Variants in UBASH3A observed in about 807,000 individuals in gnomAD.
UBASH3A encodes the protein ubiquitin-associated and SH3 domain-containing protein A.
A neutral mutation model predicts 73.5 loss-of-function variants in UBASH3A; 63 were observed. That is an observed-to-expected ratio of 0.86 (90% CI 0.70 to 1.06). UBASH3A has a LOEUF of 1.06. Ranked by LOEUF, UBASH3A falls within the 50% of genes least tolerant of loss-of-function variation. The pLI is 0.00. For synonymous variants in UBASH3A, 363 were observed against 351.1 expected (o/e 1.03, Z -0.38); for missense variants, 860 against 859.0 (o/e 1.00, Z -0.02).
chr21:42,438,000 C>A (rs2053659609), intron 11 of UBASH3A, among the ~76,000 whole-genome samples: 1 of 152,230 alleles, frequency 6.6e-6, no homozygotes, highest in South Asian at 2.1e-4. Flanking sequence ...TCCTCAAGGG[C>A]TGATGTGTGT....
intron 11 of UBASH3A, among the ~76,000 whole-genome samples, chr21:42,439,738 C>G (rs2053697125): frequency 7.0e-6 from 1 of 143,068 alleles, no homozygotes; most frequent in South Asian, 2.3e-4. Context: ...ACCACACACA[C>G]CCACACACAC....
chr21:42,408,064 C>T (rs928303128), intron 2 of UBASH3A, among the ~76,000 whole-genome samples: 103 of 152,210 alleles, frequency 6.8e-4, no homozygotes, highest in African/African-American at 2.4e-3. Context: ...TCTATAAGTC[C>T]GTTACTTAAA....
chr21:42,420,666 CTTG>C (rs1241446908), intron 7 of UBASH3A, among the ~76,000 whole-genome samples: 3 of 152,152 alleles, frequency 2.0e-5, no homozygotes, highest in Admixed American at 6.5e-5. Context: ...CAAGCTGAAG[CTTG>C]TTGTCCACAT....
chr21:42,431,110 G>T (rs534742880), intron 8 of UBASH3A, among the ~76,000 whole-genome samples: 5 of 152,192 alleles, frequency 3.3e-5, no homozygotes, highest in African/African-American at 7.2e-5. Context: ...GGTCCCAGGG[G>T]GGGCATCCTC....
At chr21:42,417,870 CTTTT>C (rs1296936051) in intron 6 of UBASH3A, among the ~76,000 whole-genome samples, 401 of 119,496 alleles carry the variant, frequency 3.4e-3, no homozygotes, top group African/African-American at 0.012. Flanking sequence ...TTTTTTTTTT[CTTTT>C]TTTCTTTTTT....
intron 11 of UBASH3A, among the ~76,000 whole-genome samples, chr21:42,438,385 G>A (rs755514903): frequency 2.4e-4 from 36 of 152,260 alleles, no homozygotes; most frequent in South Asian, 1.7e-3. Flanking sequence ...GGGGTGCGCC[G>A]AAGGAATGAA....
At position 42,426,729 on chromosome 21, in the gene UBASH3A, A is replaced by C; in HGVS notation, c.1079A>C (p.Asn360Thr). Residue 360 changes from asparagine (N) to threonine (T), a missense_variant, in exon 8 of 15, where the codon AAC becomes ACC. Transcript: ENST00000319294. Reference sequence around the variant, plus strand: ...ACCTTCAGTCTAGCCACAGACCTGAACTCCAGAAAGGATGGTGAAGCCAGC... The same window carrying C: ...ACCTTCAGTCTAGCCACAGACCTGACCTCCAGAAAGGATGGTGAAGCCAGC... Reference protein sequence around the residue: ...MYTFSLATDLNSRKDGEASSR... With the variant: ...MYTFSLATDLTSRKDGEASSR... 6 of 1,613,946 alleles carry C rather than the reference A, an allele frequency of 3.7e-6. No individual in the cohort carries two copies. Among genetic ancestry groups the C allele is most frequent in the Non-Finnish European group, 5.1e-6 (6 of 1,179,914 alleles).
chr21:42,432,094 A>C lies in UBASH3A; in HGVS notation c.1171-9A>C, dbSNP rs754584307. On this transcript the variant is annotated splice_polypyrimidine_tract_variant and intron_variant, in intron 8 of 14. Coordinates refer to ENST00000319294, the MANE Select transcript of UBASH3A (RefSeq NM_018961.4). ...CTGCATGTGCCTTGCTTCCTGCCCC[A>C]CCCCCCAGGCTACCGTTGCAAGGAA... 6.3e-7 allele frequency: 1 copy of C among 1,596,952 alleles called. No individual in the cohort carries two copies. Among genetic ancestry groups the C allele is most frequent in the East Asian group, 2.2e-5 (1 of 44,638 alleles).
intron 10 of UBASH3A, 47 bp from the exon 11 acceptor site, chr21:42,437,441 G>A: frequency 6.4e-7 from 1 of 1,558,532 alleles, no homozygotes; most frequent in South Asian, 1.1e-5. Context: ...GCCATCAGAG[G>A]CTAGAATTAT....
At chr21:42,426,353 C>T (rs532815347) in intron 7 of UBASH3A, among the ~76,000 whole-genome samples, 16 of 152,338 alleles carry the variant, frequency 1.1e-4, no homozygotes, top group South Asian at 2.1e-4. Flanking sequence ...GTGGTCTCTG[C>T]TTTACTCAGC....
chr21:42,439,079 T>C (rs2053682006), intron 11 of UBASH3A, among the ~76,000 whole-genome samples: 1 of 152,094 alleles, frequency 6.6e-6, no homozygotes, highest in South Asian at 2.1e-4. Context: ...AGACGCTCCC[T>C]CAGAGCACCT....
intron 5 of UBASH3A, among the ~76,000 whole-genome samples, chr21:42,415,291 T>C (rs1161989343): frequency 6.6e-6 from 1 of 152,186 alleles, no homozygotes; most frequent in Non-Finnish European, 1.5e-5. Flanking sequence ...CCTCCCCGAC[T>C]GCTAAAAACA....
At chr21:42,405,843 G>T (rs2052958061) in intron 1 of UBASH3A, among the ~76,000 whole-genome samples, 1 of 152,122 alleles carries the variant, frequency 6.6e-6, no homozygotes, top group African/African-American at 2.4e-5. Context: ...GCCTGCCTGG[G>T]TGCTTTGGAA....
At chr21:42,409,823 C>T (rs922774628) in intron 3 of UBASH3A, among the ~76,000 whole-genome samples, 3 of 152,192 alleles carry the variant, frequency 2.0e-5, no homozygotes, top group African/African-American at 7.2e-5. Context: ...CATTTATCCT[C>T]TCCCCTTTTT....
chr21:42,408,938 T>TAAAATAAAATA (rs1555859594), intron 2 of UBASH3A, among the ~76,000 whole-genome samples: 5 of 148,770 alleles, frequency 3.4e-5, no homozygotes, highest in African/African-American at 1.2e-4. Context: ...TAAAATAAAA[T>TAAAATAAAATA]AAAATAAAAT....
rs1051409496 is a variant in UBASH3A, at chr21:42,438,293, G to C, written c.1486+713G>C. Reference sequence around the variant, plus strand: ...ATGCAGCAGGAGGGCAAATGTGGGGGACAGGGCTTGCCTCGACTTTCTCAG... The same window carrying C: ...ATGCAGCAGGAGGGCAAATGTGGGGCACAGGGCTTGCCTCGACTTTCTCAG... On this transcript the variant is annotated intron_variant, in intron 11 of 14. Coordinates refer to ENST00000319294, the MANE Select transcript of UBASH3A (RefSeq NM_018961.4). Among the ~76,000 whole-genome samples, 3 of 152,194 alleles carry C rather than the reference G, an allele frequency of 2.0e-5. No individual in the cohort carries two copies. In the East Asian group the frequency reaches 5.8e-4, roughly 29 times the overall value.
At chr21:42,430,743 A>G (rs1174525452) in intron 8 of UBASH3A, among the ~76,000 whole-genome samples, 3 of 152,198 alleles carry the variant, frequency 2.0e-5, no homozygotes, top group Non-Finnish European at 2.9e-5. Context: ...AGCTCCCTAA[A>G]GCAGGGATGC....
At chr21:42,422,157 A>G (rs1443280998) in intron 7 of UBASH3A, among the ~76,000 whole-genome samples, 1 of 152,230 alleles carries the variant, frequency 6.6e-6, no homozygotes, top group African/African-American at 2.4e-5. Flanking sequence ...CTGTGCATAC[A>G]TGACATTCCA....
At chr21:42,416,728 T>A (rs763727943) in intron 6 of UBASH3A, 117 bp downstream of exon 6, 3 of 1,001,640 alleles carry the variant, frequency 3.0e-6, no homozygotes, top group Non-Finnish European at 4.0e-6. Context: ...GGTCAGGAGA[T>A]GGAGACCATC....
Sources: gnomAD v4.1 joint callset for allele counts (sites outside exome capture counted in the v4.1 genomes callset) on GRCh38, gnomAD v4.1.1 for gene constraint, MANE v1.5 for transcripts, NCBI Gene and HGNC (gene_info 2026-07-23, HGNC 2026-07-21) for gene names.